The following CARF variants were observed in gnomAD, a reference collection of about 807,000 sequenced individuals.
The protein encoded by CARF is calcium-responsive transcription factor.
CARF carries 57 observed loss-of-function variants against 82.0 expected under a neutral mutation model. That is an observed-to-expected ratio of 0.70 (90% CI 0.56 to 0.87). CARF has a LOEUF of 0.87. CARF is among the 40% of genes least tolerant of loss of function. CARF has a pLI of 0.00. For synonymous variants in CARF, 268 were observed against 290.1 expected (o/e 0.92, Z 0.77); for missense variants, 771 against 855.8 (o/e 0.90, Z 1.24).
intron 5 of CARF, among the ~76,000 whole-genome samples, chr2:202,951,433 A>G (rs2058749311): frequency 6.6e-6 from 1 of 152,116 alleles, no homozygotes; most frequent in Non-Finnish European, 1.5e-5. Flanking sequence ...GTGGGTTGGA[A>G]TGATTAAGGA....
At chr2:202,936,521 A>G (rs1693981131) in intron 3 of CARF, among the ~76,000 whole-genome samples, 1 of 152,208 alleles carries the variant, frequency 6.6e-6, no homozygotes, top group African/African-American at 2.4e-5. Context: ...ATAGAATCAT[A>G]TAATATGTGA....
In CARF at chr2:202,982,092, G is replaced by A. The variant is rs1011673765; in HGVS notation, c.1710G>A (p.Arg570=). The change falls in exon 16 of 17, where the codon AGG becomes AGA. Residue 570 remains arginine, a synonymous_variant. Transcript: ENST00000438828. ...TQLQGLQLQP[R]YTSPDESPAV... Reference sequence around the variant, plus strand: ...AAAAGGGTTTGCAGTTACAACCAAGGTACACCTCTCCTGATGAATCACCAG... The same window carrying A: ...AAAAGGGTTTGCAGTTACAACCAAGATACACCTCTCCTGATGAATCACCAG... The A allele has an allele frequency of 1.9e-6, 3 of 1,613,866 alleles. No homozygotes were observed. The highest frequency in any genetic ancestry group is 2.7e-5 in the African/African-American group (2 of 75,018).
chr2:202,973,619 C>A (rs2059899203), intron 12 of CARF: 2 of 317,892 alleles, frequency 6.3e-6, no homozygotes, highest in South Asian at 5.5e-5. Flanking sequence ...TATTTCACTT[C>A]TACAGTCCTT....
intron 3 of CARF, among the ~76,000 whole-genome samples, chr2:202,937,165 G>C (rs1694078664): frequency 6.6e-6 from 1 of 152,036 alleles, no homozygotes; most frequent in Non-Finnish European, 1.5e-5. Context: ...ATTTCCCTCT[G>C]AGCACTGCTT....
chr2:202,939,689 T>C (rs867615990), intron 3 of CARF, among the ~76,000 whole-genome samples: 1,643 of 144,326 alleles, frequency 0.011, 10 homozygotes, highest in African/African-American at 0.02. Flanking sequence ...TTTTTTCTTT[T>C]TTTTTTTTTT....
intron 1 of CARF, among the ~76,000 whole-genome samples, chr2:202,916,000 A>G (rs2105930861): frequency 6.6e-6 from 1 of 152,202 alleles, no homozygotes; most frequent in Non-Finnish European, 1.5e-5. Context: ...ACTGATTCTT[A>G]AAAAATAAAT....
At chr2:202,970,168 G>C in intron 11 of CARF, 106 bp downstream of exon 11, 1 of 1,020,446 alleles carries the variant, frequency 9.8e-7, no homozygotes, top group South Asian at 1.7e-5. Context: ...ATTAAGTAAC[G>C]GTTTTATAAG....
chr2:202,914,028 A>C (rs1574428149), intron 1 of CARF, among the ~76,000 whole-genome samples: 1 of 152,118 alleles, frequency 6.6e-6, no homozygotes, highest in East Asian at 1.9e-4. Context: ...AATACCCAGC[A>C]TTATGTTTTA....
chr2:202,919,300 TC>T (rs1336033272), intron 2 of CARF, among the ~76,000 whole-genome samples: 8 of 152,084 alleles, frequency 5.3e-5, no homozygotes, highest in African/African-American at 9.7e-5. Flanking sequence ...CTTATTAACA[TC>T]AATGAAAATT....
chr2:202,980,402 CA>C (rs1220158999), intron 14 of CARF, among the ~76,000 whole-genome samples: 1 of 150,300 alleles, frequency 6.7e-6, no homozygotes, highest in Non-Finnish European at 1.5e-5. Context: ...TCATTTATAC[CA>C]AAATGAGTTA....
At position 202,941,868 on chromosome 2, in the gene CARF, T is replaced by A; in HGVS notation, c.-35T>A. ...TATTTAAACTCTTTCAGCTATTAAA[T>A]AATAGAAGAAAATGGAATTGAATAT... On this transcript the variant is annotated 5_prime_UTR_variant, in exon 4 of 17. Transcript: ENST00000438828. 1 of 1,539,098 alleles carries A rather than the reference T, an allele frequency of 6.5e-7. No homozygotes were observed. Among genetic ancestry groups the A allele is most frequent in the South Asian group, 1.1e-5 (1 of 89,150 alleles).
intron 1 of CARF, among the ~76,000 whole-genome samples, chr2:202,914,944 A>G (rs1232183181): frequency 1.3e-5 from 2 of 151,932 alleles, no homozygotes; most frequent in Admixed American, 1.3e-4. Context: ...GAAAATTAAA[A>G]AGTGCTTTTT....
In CARF at chr2:202,912,727, G is replaced by T. The variant is rs1284569988; in HGVS notation, c.-705G>T. 1.3e-5 allele frequency: 2 copies of T among 151,278 alleles called. No individual in the cohort carries two copies. Among genetic ancestry groups the T allele is most frequent in the Admixed American group, 1.3e-4 (2 of 15,192 alleles). 9.4% of individuals were successfully genotyped at this position (151,278 alleles called of 1,614,324 possible). A position where few individuals can be genotyped will look rare whatever the true frequency, so the allele number is the denominator to read the frequency against. On this transcript the variant is annotated 5_prime_UTR_variant, in exon 1 of 17. Transcript: ENST00000438828. The stretch of plus-strand genomic sequence containing the variant: ...CAGGAGGGTTGCTGAGCCCAAGGAC[G>T]CGCCATCGCCGCGGAGAAGGAGCCG...
rs1559227518 is a variant in CARF at position 202,949,520 on chromosome 2, TTATTATTATTA to T, written c.307-3037_307-3027del. Among the ~76,000 whole-genome samples the T allele has an allele frequency of 5.5e-3, 498 of 89,962 alleles. 7 individuals carry two copies. The highest frequency in any genetic ancestry group is 0.02 in the African/African-American group (419 of 21,286). The allele number at this position is 89,962 out of a possible 152,430, so 59.0% of individuals were successfully genotyped here. On this transcript the variant is annotated intron_variant, in intron 5 of 16. Transcript: ENST00000438828. The stretch of plus-strand genomic sequence containing the variant: ...AATATGACTTTTTGTTATTTATTTA[TTATTATTATTA>T]TTATTATTATTATTATTATTATTAT...
intron 3 of CARF, among the ~76,000 whole-genome samples, chr2:202,939,364 T>C (rs986856017): frequency 1.3e-5 from 2 of 152,328 alleles, no homozygotes; most frequent in East Asian, 3.9e-4. Flanking sequence ...CTGAAAATAC[T>C]GTAAGTCAAA....
intron 2 of CARF, among the ~76,000 whole-genome samples, chr2:202,921,238 T>TCCGCCTGCCTTGGC (rs1690738785): frequency 6.6e-6 from 1 of 152,208 alleles, no homozygotes; most frequent in African/African-American, 2.4e-5. Flanking sequence ...CCTGACTTTG[T>TCCGCCTGCCTTGGC]GATCCGCCTG....
chr2:202,946,168 C>A (rs916909252), intron 5 of CARF, among the ~76,000 whole-genome samples: 1 of 151,606 alleles, frequency 6.6e-6, no homozygotes, highest in Non-Finnish European at 1.5e-5. Flanking sequence ...CATATGGAAC[C>A]AAAAAAGAGC....
chr2:202,927,014 C>T (rs1260405063), intron 3 of CARF, among the ~76,000 whole-genome samples: 2 of 152,058 alleles, frequency 1.3e-5, no homozygotes, highest in Non-Finnish European at 2.9e-5. Context: ...AAGGTTTCAT[C>T]ATGTTGCCCG....
In CARF at chr2:202,969,918, G is replaced by A; in HGVS notation, c.954-1G>A. 1.4e-6 allele frequency: 2 copies of A among 1,481,474 alleles called. No homozygotes were observed. Among genetic ancestry groups the A allele is most frequent in the Non-Finnish European group, 1.8e-6 (2 of 1,106,570 alleles). 91.8% of individuals were successfully genotyped at this position (1,481,474 alleles called of 1,614,324 possible). ...CAAATTCTTCTTTATCTTGTATAAAGGATTTACATTAAAAAGGTACAGAAG... is the reference window on the plus strand; with the variant it reads ...CAAATTCTTCTTTATCTTGTATAAAAGATTTACATTAAAAAGGTACAGAAG... On this transcript the variant is annotated splice_acceptor_variant, in intron 10 of 16. Transcript: ENST00000438828. LOFTEE classifies it high-confidence loss of function.
Sources: gnomAD v4.1 joint callset for allele counts (sites outside exome capture counted in the v4.1 genomes callset) on GRCh38, gnomAD v4.1.1 for gene constraint, MANE v1.5 for transcripts, NCBI Gene and HGNC (gene_info 2026-07-23, HGNC 2026-07-21) for gene names.